Variants in CRACR2A observed in about 807,000 individuals in gnomAD.
CRACR2A encodes calcium release activated channel regulator 2A.
CRACR2A carries 79 observed loss-of-function variants against 90.5 expected under a neutral mutation model. The ratio of observed to expected loss-of-function variants is 0.87; its 90% CI spans 0.73 to 1.05. CRACR2A has a LOEUF of 1.05. Ranked by LOEUF, CRACR2A falls within the 50% of genes least tolerant of loss-of-function variation. The pLI is 0.00. For missense variants in CRACR2A, 823 were observed against 897.2 expected (o/e 0.92, Z 1.06); for synonymous variants, 338 against 356.7 (o/e 0.95, Z 0.59).
intron 17 of CRACR2A, 119 bp downstream of exon 17, chr12:3,627,316 TG>T: frequency 1.4e-6 from 1 of 739,712 alleles, no homozygotes; most frequent in Non-Finnish European, 2.2e-6. Flanking sequence ...AGTTTGTTCC[TG>T]GAAAAGGCAA....
chr12:3,703,265 T>G (rs1216836191), intron 3 of CRACR2A, among the ~76,000 whole-genome samples: 1 of 152,174 alleles, frequency 6.6e-6, no homozygotes, highest in African/African-American at 2.4e-5. Flanking sequence ...ATTTTTTATA[T>G]TTTTAGTAGA....
chr12:3,654,947 A>C (rs968189445), intron 9 of CRACR2A, among the ~76,000 whole-genome samples: 6 of 152,180 alleles, frequency 3.9e-5, no homozygotes, highest in African/African-American at 1.4e-4. Context: ...GAAATAACTA[A>C]AACAGTTCAA....
At chr12:3,716,707 A>G (rs1482015593) in intron 2 of CRACR2A, among the ~76,000 whole-genome samples, 1 of 152,174 alleles carries the variant, frequency 6.6e-6, no homozygotes, top group Admixed American at 6.5e-5. Context: ...AACTTCTTGT[A>G]AAGCATCAAT....
chr12:3,747,505 A>T (rs1946644818), intron 1 of CRACR2A, among the ~76,000 whole-genome samples: 3 of 152,178 alleles, frequency 2.0e-5, no homozygotes, highest in Admixed American at 6.5e-5. Flanking sequence ...GCAGCGGACA[A>T]TGTGGCAAAG....
intron 4 of CRACR2A, among the ~76,000 whole-genome samples, chr12:3,683,123 G>C (rs1221288020): frequency 6.6e-6 from 1 of 152,162 alleles, no homozygotes; most frequent in Non-Finnish European, 1.5e-5. Context: ...GGGTGGAGGG[G>C]AGCAAGATTA....
chr12:3,712,080 T>G (rs1457894968), intron 3 of CRACR2A, among the ~76,000 whole-genome samples: 1 of 152,174 alleles, frequency 6.6e-6, no homozygotes, highest in Non-Finnish European at 1.5e-5. Context: ...TAGTCTTCAT[T>G]CCCTCTGCCT....
chr12:3,665,153 G>A (rs553538030), intron 7 of CRACR2A, among the ~76,000 whole-genome samples: 1 of 152,224 alleles, frequency 6.6e-6, no homozygotes, highest in Non-Finnish European at 1.5e-5. Context: ...AAGAGTGAGG[G>A]CAAGAGACAT....
chr12:3,719,706 A>C (rs1946128883), intron 2 of CRACR2A, among the ~76,000 whole-genome samples: 1 of 152,232 alleles, frequency 6.6e-6, no homozygotes, highest in Non-Finnish European at 1.5e-5. Context: ...CATCTAAATA[A>C]CAAAAATCCT....
intron 1 of CRACR2A, among the ~76,000 whole-genome samples, chr12:3,742,593 A>G (rs1399934494): frequency 3.3e-5 from 5 of 152,248 alleles, no homozygotes; most frequent in Non-Finnish European, 7.3e-5. Flanking sequence ...AGTGAAGGCC[A>G]GCAGGAGGAG....
At chr12:3,675,797 T>A (rs1945325581) in intron 6 of CRACR2A, among the ~76,000 whole-genome samples, 1 of 152,236 alleles carries the variant, frequency 6.6e-6, no homozygotes, top group Non-Finnish European at 1.5e-5. Flanking sequence ...GATCTGAGGA[T>A]AGCTCTGACA....
chr12:3,698,961 C>A lies in CRACR2A; in HGVS notation c.-36-1926G>T, dbSNP rs566833241. ...CCCAAGAGGCCCCACCCTACTCCCA[C>A]CTGCTGCTCCCAGGAGATGAGGTTA... is the stretch of plus-strand genomic sequence containing the variant. On this transcript the variant is annotated intron_variant, in intron 3 of 19. Coordinates refer to ENST00000440314, the MANE Select transcript of CRACR2A (RefSeq NM_001144958.2). Among the ~76,000 whole-genome samples, 8 of 152,338 alleles carry A rather than the reference C, an allele frequency of 5.3e-5. No individual in the cohort carries two copies. The East Asian group carries it at 1.5e-3, about 29-fold the overall frequency.
chr12:3,630,640 T>C (rs1944361807), intron 15 of CRACR2A, among the ~76,000 whole-genome samples: 1 of 152,170 alleles, frequency 6.6e-6, no homozygotes, highest in East Asian at 1.9e-4. Context: ...CTATTGTGGA[T>C]CTCAATTTTC....
At position 3,619,389 on chromosome 12, in the gene CRACR2A, G is replaced by A; in HGVS notation, c.1933-17C>T. 1.3e-6 allele frequency: 2 copies of A among 1,545,572 alleles called. No individual in the cohort carries two copies. Among genetic ancestry groups the A allele is most frequent in the Non-Finnish European group, 1.8e-6 (2 of 1,141,626 alleles). ...CACAGCTTCCTGCAGAACAGAAAAT[G>A]TTTTCAACTGAGAGGGGTGTCATAG... is the stretch of plus-strand genomic sequence containing the variant. On this transcript the variant is annotated splice_polypyrimidine_tract_variant and intron_variant, in intron 17 of 19. Transcript: ENST00000440314.
chr12:3,694,454 T>G (rs981605879), intron 4 of CRACR2A, among the ~76,000 whole-genome samples: 1 of 152,160 alleles, frequency 6.6e-6, no homozygotes. Flanking sequence ...CCAGTTCCCA[T>G]GAGGCTGTGC....
intron 1 of CRACR2A, among the ~76,000 whole-genome samples, chr12:3,751,037 T>C (rs994028949): frequency 6.6e-6 from 1 of 152,216 alleles, no homozygotes; most frequent in East Asian, 1.9e-4. Flanking sequence ...CTGACATTTA[T>C]TCAGTTACCA....
Position 3,633,833 on chromosome 12 carries a change from TCAGGAGGTGCAGA to T in CRACR2A, c.1603-110_1603-98del. 6.6e-7 allele frequency: 1 copy of T among 1,504,604 alleles called. No individual in the cohort carries two copies. The allele number at this position is 1,504,604 out of a possible 1,614,324, so 93.2% of individuals were successfully genotyped here. ...CCTTTACCCATCCCTACAGTGGCCC[TCAGGAGGTGCAGA>T]CCGGCCTCTAGACCTGCACCAGGAG... is the stretch of plus-strand genomic sequence containing the variant. On this transcript the variant is annotated intron_variant, in intron 14 of 19. Transcript: ENST00000440314. This position sits in a 1 kb window ranked among gnomAD's most constrained non-coding sequence, Gnocchi z 4.5.
chr12:3,665,448 T>C (rs539086370), intron 7 of CRACR2A, among the ~76,000 whole-genome samples: 1 of 152,366 alleles, frequency 6.6e-6, no homozygotes, highest in East Asian at 1.9e-4. Flanking sequence ...AAGCCTGAAG[T>C]GTCCTATATC....
intron 4 of CRACR2A, 50 bp downstream of exon 4, chr12:3,696,722 G>A (rs897223493): frequency 1.9e-6 from 3 of 1,611,560 alleles, no homozygotes; most frequent in Non-Finnish European, 8.5e-7. Flanking sequence ...CCCAAGACAG[G>A]AAGACATCTG....
At chr12:3,660,030 C>T (rs754999549) in intron 7 of CRACR2A, among the ~76,000 whole-genome samples, 4 of 152,312 alleles carry the variant, frequency 2.6e-5, no homozygotes, top group African/African-American at 9.6e-5. Flanking sequence ...TCCCTGTTCC[C>T]GCTGATCTCC....
Sources: gnomAD v4.1 joint callset for allele counts (sites outside exome capture counted in the v4.1 genomes callset) on GRCh38, gnomAD v4.1.1 for gene constraint, Gnocchi (gnomAD v3.1) non-coding constraint, MANE v1.5 for transcripts, NCBI Gene and HGNC (gene_info 2026-07-23, HGNC 2026-07-21) for gene names.